FBXO17: variants seen among roughly 807,000 people sequenced by gnomAD.
The protein encoded by FBXO17 is F-box protein 17, also known as F-box only protein 17.
FBXO17 carries 43 observed loss-of-function variants against 34.1 expected under a neutral mutation model. That is an observed-to-expected ratio of 1.26 (90% confidence interval 0.99 to 1.62). The LOEUF (loss-of-function observed/expected upper bound fraction) is 1.62, where lower values mean the gene tolerates loss of function less well. Ranked by LOEUF, FBXO17 falls within the 40% of genes most tolerant of loss-of-function variation. The pLI, the probability that FBXO17 is intolerant of heterozygous loss-of-function variation, is 0.00. For missense variants in FBXO17, 424 were observed against 386.7 expected (o/e 1.10, Z -0.81); for synonymous variants, 169 against 166.0 (o/e 1.02, Z -0.14).
intron 1 of FBXO17, among the ~76,000 whole-genome samples, chr19:38,969,143 T>C (rs1975357671): frequency 6.6e-6 from 1 of 152,132 alleles, no homozygotes; most frequent in South Asian, 2.1e-4. Context: ...TGTTTCCACC[T>C]TGACAATGTA....
At chr19:38,949,882 G>A in intron 2 of FBXO17, 89 bp downstream of exon 2, 1 of 1,395,808 alleles carries the variant, frequency 7.2e-7, no homozygotes, top group Non-Finnish European at 9.4e-7. Flanking sequence ...TCGCCCATTG[G>A]CTACATCTCT....
intron 1 of FBXO17, among the ~76,000 whole-genome samples, chr19:38,956,709 G>A (rs1034761085): frequency 6.6e-6 from 1 of 151,938 alleles, no homozygotes; most frequent in African/African-American, 2.4e-5. Flanking sequence ...GGTGAAACCT[G>A]TCTCTACTAA....
chr19:38,968,192 G>A (rs992189431), intron 1 of FBXO17, among the ~76,000 whole-genome samples: 10 of 151,964 alleles, frequency 6.6e-5, no homozygotes, highest in Admixed American at 2.0e-4. Flanking sequence ...GGTGGTAGGC[G>A]CCTGTAATCC....
chr19:38,949,623 G>A (rs1460947498), intron 2 of FBXO17, among the ~76,000 whole-genome samples: 2 of 151,958 alleles, frequency 1.3e-5, no homozygotes, highest in African/African-American at 4.8e-5. Flanking sequence ...GAACTCCTTG[G>A]GCTTAAGCGA....
chr19:38,949,917 CGCCTCGCTCGCGCGG>C, intron 2 of FBXO17, 39 bp downstream of exon 2: 1 of 1,451,532 alleles, frequency 6.9e-7, no homozygotes, highest in Non-Finnish European at 9.1e-7. Flanking sequence ...GCCCCGCCCC[CGCCTCGCTCGCGCGG>C]CCCCCCTCAG....
intron 1 of FBXO17, among the ~76,000 whole-genome samples, chr19:38,959,923 C>T (rs1279396414): frequency 6.6e-6 from 1 of 151,916 alleles, no homozygotes; most frequent in African/African-American, 2.4e-5. Context: ...AAAACACCAC[C>T]ACCACTACCA....
At chr19:38,972,965 C>T (rs548427339) in intron 1 of FBXO17, among the ~76,000 whole-genome samples, 1 of 152,224 alleles carries the variant, frequency 6.6e-6, no homozygotes, top group East Asian at 1.9e-4. Context: ...AACATGTTGG[C>T]CAGGCTGGTC....
chr19:38,968,529 T>C (rs1023650801), intron 1 of FBXO17, among the ~76,000 whole-genome samples: 4 of 151,592 alleles, frequency 2.6e-5, no homozygotes, highest in African/African-American at 7.3e-5. Context: ...CATAAACTTA[T>C]ATGAAACCTA....
chr19:38,951,229 T>C lies in FBXO17; in HGVS notation c.-17-893A>G, dbSNP rs1975079477. Among the ~76,000 whole-genome samples, 3 of 151,548 alleles carry C rather than the reference T, an allele frequency of 2.0e-5. No homozygotes were observed. The Admixed American group carries it at 2.0e-4, about 10-fold the overall frequency. On this transcript the variant is annotated intron_variant, in intron 1 of 5. Transcript: ENST00000292852. ...TATTATTATTACTTTTTTATGGAGCTAGAAACCAGGACTATAGCCTCTACC... is the reference window on the plus strand; with the variant it reads ...TATTATTATTACTTTTTTATGGAGCCAGAAACCAGGACTATAGCCTCTACC...
intron 1 of FBXO17, among the ~76,000 whole-genome samples, chr19:38,951,082 G>A (rs917196159): frequency 2.6e-5 from 4 of 152,068 alleles, no homozygotes; most frequent in East Asian, 1.9e-4. Flanking sequence ...GAGCCACCAC[G>A]CCCAGCCTGT....
Position 38,975,238 on chromosome 19 carries a change from G to A in FBXO17, c.-18+348C>T, listed in dbSNP as rs1447402685. ...AAAGCGGCCTGGCCTTCCCCGGGCTGTTGCGCCCACGTGTTGGTTTGCAGC... is the reference window on the plus strand; with the variant it reads ...AAAGCGGCCTGGCCTTCCCCGGGCTATTGCGCCCACGTGTTGGTTTGCAGC... On this transcript the variant is annotated intron_variant, in intron 1 of 5. Coordinates refer to ENST00000292852, the MANE Select transcript of FBXO17 (RefSeq NM_024907.7). The surrounding 1 kb of genome is among the most constrained non-coding windows in gnomAD (Gnocchi z 4.9). Among the ~76,000 whole-genome samples, 2 of 152,244 alleles carry A rather than the reference G, an allele frequency of 1.3e-5. No individual in the cohort carries two copies. Among genetic ancestry groups the A allele is most frequent in the East Asian group, 3.8e-4 (2 of 5,202 alleles).
At chr19:38,965,257 T>C (rs886319745) in intron 1 of FBXO17, among the ~76,000 whole-genome samples, 2 of 151,998 alleles carry the variant, frequency 1.3e-5, no homozygotes, top group African/African-American at 4.8e-5. Context: ...TTCATGGGCA[T>C]GCAACCTGTG....
At chr19:38,949,350 C>T (rs1011855063) in intron 2 of FBXO17, among the ~76,000 whole-genome samples, 6 of 151,938 alleles carry the variant, frequency 3.9e-5, no homozygotes, top group Non-Finnish European at 8.8e-5. Flanking sequence ...TCTGCCCCCT[C>T]GGGCCTCCCA....
At chr19:38,945,273 G>A (rs1177179477) in intron 4 of FBXO17, 169 bp from the exon 5 acceptor site, 1 of 891,466 alleles carries the variant, frequency 1.1e-6, no homozygotes, top group East Asian at 2.7e-5. Flanking sequence ...TGGTGGTTCT[G>A]GGGTGGAACC....
chr19:38,952,570 T>C (rs1413267178), intron 1 of FBXO17: 3 of 534,346 alleles, frequency 5.6e-6, no homozygotes, highest in East Asian at 1.1e-4. Flanking sequence ...ATCTCATCAC[T>C]ACCTTGCTTC....
chr19:38,946,321 C>T, intron 4 of FBXO17, 151 bp downstream of exon 4: 1 of 1,306,954 alleles, frequency 7.7e-7, no homozygotes, highest in Non-Finnish European at 1.0e-6. Flanking sequence ...CCTTCCCCGG[C>T]TCTGCATCAC....
chr19:38,953,042 C>G (rs568550792), intron 1 of FBXO17, among the ~76,000 whole-genome samples: 2 of 152,276 alleles, frequency 1.3e-5, no homozygotes, highest in South Asian at 4.1e-4. Flanking sequence ...TGGCTCATGC[C>G]TGTAATTCCA....
chr19:38,949,868 G>T (rs2144816006), intron 2 of FBXO17, 103 bp downstream of exon 2: 1 of 1,318,770 alleles, frequency 7.6e-7, no homozygotes, highest in Middle Eastern at 2.7e-4. Flanking sequence ...CTCCTCCAGC[G>T]GTCTCGCCCA....
chr19:38,961,280 A>ATTT (rs1256781413), intron 1 of FBXO17, among the ~76,000 whole-genome samples: 2 of 57,320 alleles, frequency 3.5e-5, no homozygotes, highest in African/African-American at 2.6e-4. Context: ...TTGATTTTAA[A>ATTT]TCTTTTTTTT....
Sources: allele counts gnomAD v4.1 joint callset (sites outside exome capture counted in the v4.1 genomes callset), GRCh38; gene constraint gnomAD v4.1.1; non-coding constraint Gnocchi (gnomAD v3.1); transcripts MANE v1.5; gene names NCBI Gene and HGNC (gene_info 2026-07-23, HGNC 2026-07-21).